Variants in CLASP2 observed in about 807,000 individuals in gnomAD.
CLASP2 encodes cytoplasmic linker associated protein 2.
A neutral mutation model predicts 194.4 loss-of-function variants in CLASP2; 47 were observed. That is an observed-to-expected ratio of 0.24 (90% confidence interval 0.19 to 0.31). The LOEUF is 0.31. Ranked by LOEUF, CLASP2 falls within the 10% of genes least tolerant of loss-of-function variation. The pLI is 1.00. For missense variants in CLASP2, 1,445 were observed against 1,823.6 expected (o/e 0.79, Z 3.78); for synonymous variants, 619 against 633.5 (o/e 0.98, Z 0.34).
intron 1 of CLASP2, among the ~76,000 whole-genome samples, chr3:33,716,955 A>C (rs1400243564): frequency 6.6e-6 from 1 of 152,240 alleles, no homozygotes; most frequent in Non-Finnish European, 1.5e-5. Flanking sequence ...ATTTTAAAGC[A>C]ACACTGCCAC....
chr3:33,647,249 A>T (rs2154314606), intron 7 of CLASP2, among the ~76,000 whole-genome samples: 1 of 152,242 alleles, frequency 6.6e-6, no homozygotes, highest in South Asian at 2.1e-4. Context: ...TTTTAGATTA[A>T]TAATTTATTT....
chr3:33,668,246 T>C lies in CLASP2; in HGVS notation c.645-4731A>G, dbSNP rs114836917. On this transcript the variant is annotated intron_variant, in intron 6 of 38. Transcript: ENST00000682230. ...AAAAACAAAACAAAACAAAAAACTATTTGACTTAATGTCTTTATGAACCAT... is the reference window on the plus strand; with the variant it reads ...AAAAACAAAACAAAACAAAAAACTACTTGACTTAATGTCTTTATGAACCAT... 6.3e-3 allele frequency among the ~76,000 whole-genome samples: 953 copies of C among 152,266 alleles called. 9 individuals are homozygous for C. Among genetic ancestry groups the C allele is most frequent in the African/African-American group, 0.022 (898 of 41,568 alleles).
chr3:33,548,771 T>C (rs1261680771), intron 30 of CLASP2, among the ~76,000 whole-genome samples: 15 of 143,410 alleles, frequency 1.0e-4, no homozygotes, highest in South Asian at 2.3e-4. Flanking sequence ...TTCTTTTTTT[T>C]TTTTTTTTTT....
Position 33,696,892 on chromosome 3 carries a change from G to T in CLASP2, c.237C>A (p.Asp79Glu). 1 of 1,596,650 alleles carries T rather than the reference G, an allele frequency of 6.3e-7. No homozygotes were observed. The highest frequency in any genetic ancestry group is 8.5e-7 in the Non-Finnish European group (1 of 1,169,896). ...MGLEILSAFV[D>E]RLSTRFKSYV... ...AGGATTTAAAGCGTGTTGATAATCT[G>T]TCCACAAAGGCACTTAAAATTTCCA... Residue 79 changes from aspartate to glutamate, a missense_variant, in exon 2 of 39, where the codon GAC (aspartate) becomes GAA (glutamate). By Grantham distance (45) the Asp-to-Glu change is conservative. Transcript: ENST00000682230.
At chr3:33,583,601 T>C (rs1238381100) in intron 22 of CLASP2, among the ~76,000 whole-genome samples, 1 of 152,218 alleles carries the variant, frequency 6.6e-6, no homozygotes. Flanking sequence ...GAAGAAAATG[T>C]ATGTGTAAAC....
intron 32 of CLASP2, among the ~76,000 whole-genome samples, chr3:33,542,621 T>TTA (rs977550405): frequency 2.0e-5 from 3 of 150,364 alleles, no homozygotes; most frequent in African/African-American, 7.3e-5. Context: ...ATATGACATG[T>TTA]TATATATGTA....
chr3:33,576,156 T>C lies in CLASP2; in HGVS notation c.2454+13A>G. The C allele has an allele frequency of 1.9e-6, 3 of 1,597,990 alleles. No homozygotes were observed. The highest frequency in any genetic ancestry group is 2.2e-5 in the South Asian group (2 of 90,666). Reference sequence around the variant, plus strand: ...TGGAACATTTATAATGATAAGAAAATGGAGAAGAGTACCAAGGCATCTGCC... The same window carrying C: ...TGGAACATTTATAATGATAAGAAAACGGAGAAGAGTACCAAGGCATCTGCC... On this transcript the variant is annotated intron_variant, in intron 24 of 38. Transcript: ENST00000682230.
intron 37 of CLASP2, among the ~76,000 whole-genome samples, chr3:33,509,441 C>A (rs1366297005): frequency 6.6e-6 from 1 of 152,086 alleles, no homozygotes; most frequent in African/African-American, 2.4e-5. Flanking sequence ...TCTTGAACTC[C>A]CGACCTCAGG....
chr3:33,662,755 T>TGGAAAAAA lies in CLASP2; in HGVS notation c.715+689_715+690insTTTTTTCC, dbSNP rs1485920867. 2.6e-5 allele frequency among the ~76,000 whole-genome samples: 4 copies of TGGAAAAAA among 152,338 alleles called. No individual in the cohort carries two copies. In the East Asian group the frequency reaches 7.7e-4, roughly 29 times the overall value. ...CTTTACTAGGTGGAAAAGCAACCTA[T>TGGAAAAAA]ATTATCTTTGGAAATAGAATATATT... On this transcript the variant is annotated intron_variant, in intron 7 of 38. Transcript: ENST00000682230.
intron 21 of CLASP2, 88 bp from the exon 22 acceptor site, chr3:33,585,008 A>T: frequency 8.6e-7 from 1 of 1,168,276 alleles, no homozygotes; most frequent in Non-Finnish European, 1.2e-6. Context: ...TATTGATAAT[A>T]CAGAGAAAAC....
At chr3:33,568,668 A>C (rs2063221688) in intron 26 of CLASP2, among the ~76,000 whole-genome samples, 1 of 151,864 alleles carries the variant, frequency 6.6e-6, no homozygotes, top group African/African-American at 2.4e-5. Context: ...TTGCCTGTTA[A>C]GGGTGCCTTC....
intron 13 of CLASP2, among the ~76,000 whole-genome samples, chr3:33,611,322 T>G (rs1447541705): frequency 6.6e-6 from 1 of 152,236 alleles, no homozygotes; most frequent in Non-Finnish European, 1.5e-5. Flanking sequence ...TTATGTAATC[T>G]TCCTCATTTT....
intron 38 of CLASP2, among the ~76,000 whole-genome samples, chr3:33,500,509 C>T (rs9849750): frequency 8.5e-5 from 13 of 152,144 alleles, no homozygotes; most frequent in African/African-American, 2.4e-4. Flanking sequence ...ATGGGATTCA[C>T]GGGATCACAG....
In CLASP2 at chr3:33,496,562, T is replaced by C. The variant is rs1280785062; in HGVS notation, c.*2069A>G. 1 of 152,212 alleles carries C rather than the reference T, an allele frequency of 6.6e-6. No individual in the cohort carries two copies. Among genetic ancestry groups the C allele is most frequent in the Non-Finnish European group, 1.5e-5 (1 of 68,022 alleles). 9.4% of individuals were successfully genotyped at this position (152,212 alleles called of 1,614,324 possible). On this transcript the variant is annotated 3_prime_UTR_variant, in exon 39 of 39. Coordinates refer to ENST00000682230, the MANE Select transcript of CLASP2 (RefSeq NM_001365631.1). ...CATTAAACCATACTTTTCCATTATGTAGTTAATTCATTTCTTGAGTGCCTG... is the reference window on the plus strand; with the variant it reads ...CATTAAACCATACTTTTCCATTATGCAGTTAATTCATTTCTTGAGTGCCTG...
intron 6 of CLASP2, among the ~76,000 whole-genome samples, chr3:33,677,840 G>A (rs2154341525): frequency 6.8e-6 from 1 of 147,536 alleles, no homozygotes; most frequent in South Asian, 2.1e-4. Context: ...TAATAGCTAA[G>A]GGCTCCAAAG....
At chr3:33,640,201 A>G (rs2081022478) in intron 8 of CLASP2, among the ~76,000 whole-genome samples, 1 of 152,234 alleles carries the variant, frequency 6.6e-6, no homozygotes, top group Non-Finnish European at 1.5e-5. Flanking sequence ...GAATTAAAAA[A>G]CAAAATTCTT....
intron 6 of CLASP2, among the ~76,000 whole-genome samples, chr3:33,679,922 C>G (rs2154342502): frequency 6.6e-6 from 1 of 152,294 alleles, no homozygotes; most frequent in South Asian, 2.1e-4. Flanking sequence ...CCACACAAAG[C>G]CTGCAAACTC....
At chr3:33,601,395 T>C (rs1249327360) in intron 18 of CLASP2, among the ~76,000 whole-genome samples, 1 of 152,226 alleles carries the variant, frequency 6.6e-6, no homozygotes, top group Non-Finnish European at 1.5e-5. Context: ...TTGTTGGCCA[T>C]TTTGACATAT....
intron 11 of CLASP2, 148 bp from the exon 12 acceptor site, chr3:33,619,886 G>C (rs1264789717): frequency 1.5e-6 from 1 of 647,268 alleles, no homozygotes; most frequent in Non-Finnish European, 2.3e-6. Flanking sequence ...GAAAGAAAGG[G>C]AAACCTAGAT....
Sources: gnomAD v4.1 joint callset for allele counts (sites outside exome capture counted in the v4.1 genomes callset) on GRCh38, gnomAD v4.1.1 for gene constraint, MANE v1.5 for transcripts, NCBI Gene and HGNC (gene_info 2026-07-23, HGNC 2026-07-21) for gene names.